The following ABLIM3 variants were observed in gnomAD, a reference collection of about 807,000 sequenced individuals.
ABLIM3 encodes actin-binding LIM protein 3.
Under a neutral mutation model 109.5 loss-of-function variants are expected in ABLIM3, and 61 were observed. That is an observed-to-expected ratio of 0.56 (90% CI 0.45 to 0.69). The LOEUF is 0.69. ABLIM3 is among the 30% of genes least tolerant of loss of function. The probability of loss-of-function intolerance (pLI) is 0.00; values close to 1 mark genes in which losing one functional copy is unlikely to be tolerated. For synonymous variants in ABLIM3, 300 were observed against 324.8 expected (o/e 0.92, Z 0.82); for missense variants, 796 against 889.5 (o/e 0.89, Z 1.34).
At chr5:149,216,571 A>G (rs1760111895) in intron 7 of ABLIM3, 1 of 181,182 alleles carries the variant, frequency 5.5e-6, no homozygotes, top group Non-Finnish European at 1.1e-5. Flanking sequence ...AAGTTCATGT[A>G]CCACTTAAAA....
chr5:149,175,927 TG>T (rs1400329797), intron 2 of ABLIM3, among the ~76,000 whole-genome samples: 1 of 152,146 alleles, frequency 6.6e-6, no homozygotes, highest in Non-Finnish European at 1.5e-5. Context: ...CAACACGCCA[TG>T]ACCATGGAAC....
At chr5:149,206,022 T>A (rs914827718) in intron 5 of ABLIM3, among the ~76,000 whole-genome samples, 1 of 152,214 alleles carries the variant, frequency 6.6e-6, no homozygotes, top group Admixed American at 6.5e-5. Context: ...TGCATTTGTC[T>A]TATGGAGCCA....
At chr5:149,163,352 A>G (rs184075214) in intron 2 of ABLIM3, among the ~76,000 whole-genome samples, 1 of 152,304 alleles carries the variant, frequency 6.6e-6, no homozygotes, top group East Asian at 1.9e-4. Flanking sequence ...TGATTCCCTG[A>G]CAGCTTTTAT....
chr5:149,251,060 C>T (rs1286785134), intron 20 of ABLIM3, among the ~76,000 whole-genome samples: 1 of 152,160 alleles, frequency 6.6e-6, no homozygotes, highest in Non-Finnish European at 1.5e-5. Context: ...GAAGGAGTGA[C>T]TTGCAACTTC....
chr5:149,207,307 G>A (rs368772552), intron 6 of ABLIM3, among the ~76,000 whole-genome samples, 173 bp downstream of exon 6: 10 of 151,882 alleles, frequency 6.6e-5, no homozygotes, highest in East Asian at 3.9e-4. Context: ...GGACCCTCCC[G>A]GGGGGGTTTC....
chr5:149,196,674 G>T (rs2127493795), intron 3 of ABLIM3, among the ~76,000 whole-genome samples: 1 of 152,296 alleles, frequency 6.6e-6, no homozygotes, highest in Non-Finnish European at 1.5e-5. Flanking sequence ...TGCTAATCAG[G>T]CCCCTTCCTC....
chr5:149,199,930 G>A (rs2127497981), intron 4 of ABLIM3, among the ~76,000 whole-genome samples: 1 of 152,324 alleles, frequency 6.6e-6, no homozygotes, highest in Middle Eastern at 3.4e-3. Context: ...GTAGTAAAAG[G>A]AAGAAATTTT....
chr5:149,210,665 C>T, intron 6 of ABLIM3, 61 bp from the exon 7 acceptor site: 6 of 1,435,294 alleles, frequency 4.2e-6, no homozygotes, highest in Non-Finnish European at 4.9e-6. Context: ...AATCTAAATG[C>T]CATGTGCACC....
chr5:149,145,699 A>T (rs560550170), intron 2 of ABLIM3, among the ~76,000 whole-genome samples: 2 of 151,684 alleles, frequency 1.3e-5, no homozygotes, highest in East Asian at 1.9e-4. Flanking sequence ...CTGGTGTGAG[A>T]TGGTATCTCA....
intron 2 of ABLIM3, among the ~76,000 whole-genome samples, chr5:149,182,426 G>C (rs370003616): frequency 1.3e-5 from 2 of 152,296 alleles, no homozygotes; most frequent in East Asian, 3.9e-4. Flanking sequence ...CTATAGGAGA[G>C]AAGAGTATGT....
At chr5:149,218,389 C>T (rs1760307998) in intron 8 of ABLIM3, 1 of 152,280 alleles carries the variant, frequency 6.6e-6, no homozygotes, top group African/African-American at 2.4e-5. Flanking sequence ...CTAAGACCAT[C>T]ACCTTGGGGG....
chr5:149,171,415 G>C (rs1483386573), intron 2 of ABLIM3, among the ~76,000 whole-genome samples: 1 of 152,106 alleles, frequency 6.6e-6, no homozygotes, highest in Non-Finnish European at 1.5e-5. Flanking sequence ...TGAAAGGAAG[G>C]TAAAATACTA....
At chr5:149,212,993 G>T (rs1228755797) in intron 7 of ABLIM3, among the ~76,000 whole-genome samples, 1 of 152,168 alleles carries the variant, frequency 6.6e-6, no homozygotes, top group Non-Finnish European at 1.5e-5. Context: ...AGGCATGGTG[G>T]TGCACGCTTG....
chr5:149,208,418 CTCTCTCTCTGTCTCTCTCTG>C (rs1433262032), intron 6 of ABLIM3, among the ~76,000 whole-genome samples: 2 of 129,798 alleles, frequency 1.5e-5, no homozygotes, highest in African/African-American at 5.8e-5. Context: ...GTCTCTCTTT[CTCTCTCTCTGTCTCTCTCTG>C]TCTCTGTCCC....
Position 149,252,227 on chromosome 5 carries a change from C to A in ABLIM3, c.1857+19C>A, listed in dbSNP as rs1753995422. ...GTACAAGGTAAAGGATGTGCATAGA[C>A]CCTGGGGGTCTCCAGGATTCTTGGA... On this transcript the variant is annotated intron_variant, in intron 22 of 23. Coordinates refer to ENST00000309868, the MANE Select transcript of ABLIM3 (RefSeq NM_014945.5). 2 of 1,612,318 alleles carry A rather than the reference C, an allele frequency of 1.2e-6. No individual in the cohort carries two copies. The highest frequency in any genetic ancestry group is 2.2e-5 in the East Asian group (1 of 44,834).
chr5:149,240,794 AATTCCTGGGATGG>A lies in ABLIM3; in HGVS notation c.1303+23_1303+35del, dbSNP rs1334037900. Reference sequence around the variant, plus strand: ...TCCCAGGTAGGCACTGCCAGCCCAGAATTCCTGGGATGGATGCATGCTCCATGGGGTCACAGGT... The same window carrying A: ...TCCCAGGTAGGCACTGCCAGCCCAGAATGCATGCTCCATGGGGTCACAGGT... On this transcript the variant is annotated intron_variant, in intron 14 of 23. Coordinates refer to ENST00000309868, the MANE Select transcript of ABLIM3 (RefSeq NM_014945.5). 8.1e-6 allele frequency: 13 copies of A among 1,605,682 alleles called. No individual in the cohort carries two copies. The highest frequency in any genetic ancestry group is 1.1e-5 in the Non-Finnish European group (13 of 1,172,864).
intron 3 of ABLIM3, among the ~76,000 whole-genome samples, chr5:149,193,982 A>G (rs1014065064): frequency 6.6e-6 from 1 of 152,194 alleles, no homozygotes; most frequent in African/African-American, 2.4e-5. Flanking sequence ...TTTTTAGAAG[A>G]CAATATAGGA....
chr5:149,240,443 C>T (rs988762416), intron 13 of ABLIM3: 2 of 575,590 alleles, frequency 3.5e-6, no homozygotes, highest in African/African-American at 1.9e-5. Flanking sequence ...CTTTACATCT[C>T]ACAAAATCTG....
Position 149,239,767 on chromosome 5 carries a change from C to A in ABLIM3, c.1083C>A (p.Tyr361Ter). 6.2e-7 allele frequency: 1 copy of A among 1,604,646 alleles called. No individual in the cohort carries two copies. The highest frequency in any genetic ancestry group is 2.3e-5 in the East Asian group (1 of 43,766). Residue 361 changes from tyrosine to a stop codon, truncating the protein, a stop_gained, in exon 13 of 24, where the codon TAC becomes TAA. Transcript: ENST00000309868. LOFTEE classifies it high-confidence loss of function. The part of the protein sequence containing the change: ...GTLSPYSQDI[Y>*]ENLDLRQRRA... ...CCCATTTCCTCTCCCAGGACATCTA[C>A]GAGAACCTGGACCTCCGGCAGAGAC...
Sources: allele counts gnomAD v4.1 joint callset (sites outside exome capture counted in the v4.1 genomes callset), GRCh38; gene constraint gnomAD v4.1.1; transcripts MANE v1.5; gene names NCBI Gene and HGNC (gene_info 2026-07-23, HGNC 2026-07-21).